EYA1: variants seen among roughly 807,000 people sequenced by gnomAD.
EYA1 encodes the protein protein phosphatase EYA1.
Under a neutral mutation model 82.0 loss-of-function variants are expected in EYA1, and 16 were observed. That is an observed-to-expected ratio of 0.20 (90% CI 0.13 to 0.30). The LOEUF is 0.30. Ranked by LOEUF, EYA1 falls within the 10% of genes least tolerant of loss-of-function variation. The pLI is 1.00. For missense variants in EYA1, 633 were observed against 730.7 expected (o/e 0.87, Z 1.54); for synonymous variants, 261 against 264.4 (o/e 0.99, Z 0.12).
chr8:71,280,300 C>A (rs909783181), intron 9 of EYA1, among the ~76,000 whole-genome samples: 11 of 152,278 alleles, frequency 7.2e-5, no homozygotes, highest in African/African-American at 2.2e-4. Context: ...ATGCTGTTTA[C>A]TATGTAAGAA....
chr8:71,394,468 A>G (rs1829467372), intron 2 of EYA1, among the ~76,000 whole-genome samples: 1 of 152,104 alleles, frequency 6.6e-6, no homozygotes, highest in African/African-American at 2.4e-5. Flanking sequence ...TAATTTTTGT[A>G]TAAGGTGTAA....
chr8:71,387,618 C>G (rs1441943718), intron 2 of EYA1, among the ~76,000 whole-genome samples: 1 of 151,968 alleles, frequency 6.6e-6, no homozygotes. Context: ...CTGACGGCAC[C>G]CACATTTCTA....
At chr8:71,504,679 A>G (rs879418315) in intron 2 of EYA1, among the ~76,000 whole-genome samples, 4 of 152,168 alleles carry the variant, frequency 2.6e-5, no homozygotes, top group Non-Finnish European at 5.9e-5. Flanking sequence ...ACCTCCAGAT[A>G]TTCTGCTTTG....
At chr8:71,274,226 C>A (rs968994543) in intron 9 of EYA1, among the ~76,000 whole-genome samples, 1 of 152,120 alleles carries the variant, frequency 6.6e-6, no homozygotes, top group Non-Finnish European at 1.5e-5. Context: ...ACACCCACAC[C>A]CGTACCTTGC....
intron 7 of EYA1, among the ~76,000 whole-genome samples, chr8:71,301,541 A>G (rs147467668): frequency 2.6e-5 from 4 of 152,324 alleles, no homozygotes; most frequent in African/African-American, 9.6e-5. Flanking sequence ...TCAAGCATCT[A>G]TGAACTTTAA....
intron 3 of EYA1, among the ~76,000 whole-genome samples, chr8:71,343,095 G>A (rs1825327328): frequency 6.6e-6 from 1 of 152,144 alleles, no homozygotes; most frequent in African/African-American, 2.4e-5. Context: ...GAGAAGCTTT[G>A]GGAGGCTGCC....
At chr8:71,525,213 C>A (rs1813718881) in intron 2 of EYA1, among the ~76,000 whole-genome samples, 1 of 152,196 alleles carries the variant, frequency 6.6e-6, no homozygotes, top group African/African-American at 2.4e-5. Flanking sequence ...CCCTCCTCTA[C>A]CCTCACAGGT....
At chr8:71,459,972 G>C (rs1024769092) in intron 2 of EYA1, among the ~76,000 whole-genome samples, 2 of 152,098 alleles carry the variant, frequency 1.3e-5, no homozygotes, top group Non-Finnish European at 2.9e-5. Context: ...TTTCAAAATT[G>C]ATTTAAGTAA....
chr8:71,245,985 C>T (rs1813044406), intron 11 of EYA1, among the ~76,000 whole-genome samples: 1 of 152,192 alleles, frequency 6.6e-6, no homozygotes, highest in African/African-American at 2.4e-5. Flanking sequence ...TCTACTGGCA[C>T]TGAAATGAAC....
At chr8:71,306,931 A>G (rs6995361) in intron 7 of EYA1, among the ~76,000 whole-genome samples, 104,111 of 152,066 alleles carry the variant, frequency 0.68, 35,980 homozygotes, top group East Asian at 0.89. Context: ...TGGATAAACC[A>G]TGTCTGACTC....
chr8:71,281,530 T>G (rs375841228), intron 9 of EYA1, among the ~76,000 whole-genome samples: 2 of 152,268 alleles, frequency 1.3e-5, no homozygotes, highest in African/African-American at 4.8e-5. Context: ...CACTCAGTCT[T>G]AAACATCTGA....
At chr8:71,245,572 T>G (rs941936446) in intron 11 of EYA1, among the ~76,000 whole-genome samples, 1 of 151,918 alleles carries the variant, frequency 6.6e-6, no homozygotes, top group African/African-American at 2.4e-5. Context: ...AACATTAGTG[T>G]TAGTGTATTT....
intron 16 of EYA1, among the ~76,000 whole-genome samples, chr8:71,213,170 T>C (rs1236975721): frequency 6.6e-6 from 1 of 151,934 alleles, no homozygotes; most frequent in East Asian, 1.9e-4. Context: ...TTTTCTGTAT[T>C]GAAAAAAAAA....
At chr8:71,504,453 A>T (rs921803021) in intron 2 of EYA1, among the ~76,000 whole-genome samples, 10 of 152,182 alleles carry the variant, frequency 6.6e-5, no homozygotes, top group African/African-American at 2.2e-4. Context: ...TCTCCTGTTG[A>T]TGTATATTTT....
Position 71,304,159 on chromosome 8 carries a change from C to A in EYA1, c.557-4439G>T, listed in dbSNP as rs572069790. 2.1e-4 allele frequency among the ~76,000 whole-genome samples: 30 copies of A among 142,520 alleles called. 2 individuals carry two copies. The highest frequency in any genetic ancestry group is 3.2e-4 in the Non-Finnish European group (20 of 62,768). The allele number at this position is 142,520 out of a possible 152,430, so 93.5% of individuals were successfully genotyped here. A position where few individuals can be genotyped will look rare whatever the true frequency, so the allele number is the denominator to read the frequency against. ...AGAAGCAAAATAGAAGTGACAAGAA[C>A]AAATAATAATACTTAAACATTTTTG... On this transcript the variant is annotated intron_variant, in intron 7 of 17. Coordinates refer to ENST00000340726, the MANE Select transcript of EYA1 (RefSeq NM_000503.6).
Position 71,334,096 on chromosome 8 carries a change from C to CGTAA in EYA1, c.202_202+1insTTAC (p.Ala68ValfsTer7), listed in dbSNP as rs746650457. ...GTGAAAATCTAATATTTATTCCTTA[C>CGTAA]CTGAACCTGAGAAATTGTTTAAAGA... On this transcript the variant is annotated frameshift_variant and splice_region_variant. Coordinates refer to ENST00000340726, the MANE Select transcript of EYA1 (RefSeq NM_000503.6). LOFTEE classifies it high-confidence loss of function. 2.5e-6 allele frequency: 4 copies of CGTAA among 1,610,002 alleles called. No homozygotes were observed. Among genetic ancestry groups the CGTAA allele is most frequent in the Non-Finnish European group, 3.4e-6 (4 of 1,176,572 alleles).
intron 2 of EYA1, among the ~76,000 whole-genome samples, chr8:71,430,295 T>A (rs1479020989): frequency 2.6e-5 from 4 of 152,178 alleles, no homozygotes; most frequent in Non-Finnish European, 5.9e-5. Context: ...ACCATTTTTA[T>A]CTTCATGTTA....
rs563765487 is a variant in EYA1, at chr8:71,397,218, C to T, written c.34-40707G>A. Among the ~76,000 whole-genome samples the T allele has an allele frequency of 5.8e-4, 88 of 152,264 alleles. 1 individual carries two copies. The South Asian group carries it at 0.018, about 31-fold the overall frequency. On this transcript the variant is annotated intron_variant, in intron 2 of 18. Coordinates refer to the EYA1 transcript ENST00000643681. ...AGATGGGTTTCCTGAATACAGCACA[C>T]TGATGGGTCTTCACTCTTTATCCAA...
intron 12 of EYA1, among the ~76,000 whole-genome samples, chr8:71,240,339 G>T (rs904670826): frequency 5.3e-5 from 8 of 151,724 alleles, no homozygotes; most frequent in Admixed American, 3.3e-4. Flanking sequence ...TATCAGACCC[G>T]GGCTAGGAGT....
Sources: gnomAD v4.1 joint callset for allele counts (sites outside exome capture counted in the v4.1 genomes callset) on GRCh38, gnomAD v4.1.1 for gene constraint, MANE v1.5 for transcripts, NCBI Gene and HGNC (gene_info 2026-07-23, HGNC 2026-07-21) for gene names.